ZC3H14: variants seen among roughly 807,000 people sequenced by gnomAD.
ZC3H14 encodes the protein zinc finger CCCH-type containing 14.
A neutral mutation model predicts 92.4 loss-of-function variants in ZC3H14; 31 were observed. That is an observed-to-expected ratio of 0.34 (90% confidence interval 0.25 to 0.45). The LOEUF is 0.45. Among genes scored for constraint, ZC3H14 ranks in the 20% least tolerant of loss-of-function variants. The pLI, the probability that ZC3H14 is intolerant of heterozygous loss-of-function variation, is 1.00. For synonymous variants in ZC3H14, 321 were observed against 300.9 expected, an observed-to-expected ratio of 1.07 and a Z score of -0.69; for missense variants, 781 against 897.3, an observed-to-expected ratio of 0.87 and a Z score of 1.66.
At chr14:88,585,905 A>G (rs1194349754) in intron 9 of ZC3H14, among the ~76,000 whole-genome samples, 2 of 152,136 alleles carry the variant, frequency 1.3e-5, no homozygotes, top group Non-Finnish European at 2.9e-5. Flanking sequence ...GCGGTGGCTC[A>G]TGCCTGTAAT....
chr14:88,610,781 T>A (rs2086536740), intron 15 of ZC3H14, 53 bp from the exon 16 acceptor site: 5 of 1,533,344 alleles, frequency 3.3e-6, no homozygotes, highest in Non-Finnish European at 4.5e-6. Flanking sequence ...AAATAATGTG[T>A]TTACTTATAT....
chr14:88,573,139 G>C, intron 6 of ZC3H14, 132 bp downstream of exon 6: 1 of 1,016,770 alleles, frequency 9.8e-7, no homozygotes, highest in Non-Finnish European at 1.5e-6. Context: ...CCAGGACTTT[G>C]GGAGGCCGAG....
Position 88,622,480 on chromosome 14 carries a change from G to T in ZC3H14, c.*10729G>T. On this transcript the variant is annotated 3_prime_UTR_variant, in exon 17 of 17. Coordinates refer to ENST00000251038, the MANE Select transcript of ZC3H14 (RefSeq NM_024824.5). ...AAAGCAGCAAAGACAGAGTAATGTT[G>T]GCAAGCAAATCCATCGTTATGCATT... The T allele has an allele frequency of 1.4e-6, 1 of 726,564 alleles. No homozygotes were observed. Among genetic ancestry groups the T allele is most frequent in the Non-Finnish European group, 2.0e-6 (1 of 492,120 alleles). The allele number at this position is 726,564 out of a possible 1,614,324, so 45.0% of individuals were successfully genotyped here.
At position 88,575,897 on chromosome 14, in the gene ZC3H14, T is replaced by A; in HGVS notation, c.1080T>A (p.Ser360=). 1 of 1,613,936 alleles carries A rather than the reference T, an allele frequency of 6.2e-7. No individual in the cohort carries two copies. The highest frequency in any genetic ancestry group is 8.5e-7 in the Non-Finnish European group (1 of 1,179,922). ...ANKNLILKAI[S]EAQESVTKTT... ...AGAATCTGATTTTGAAGGCTATATC[T>A]GAAGCTCAAGAATCCGTAACAAAAA... Residue 360 remains serine, a synonymous_variant, in exon 8 of 17, where the codon TCT becomes TCA. Coordinates refer to ENST00000251038, the MANE Select transcript of ZC3H14 (RefSeq NM_024824.5).
chr14:88,611,939 A>G lies in ZC3H14; in HGVS notation c.*188A>G. ...TGTAAGTTTATTATGTGGTTTTAAC[A>G]TTGGGTGTTTTTGTTTTGTTTTTAC... On this transcript the variant is annotated 3_prime_UTR_variant, in exon 17 of 17. Transcript: ENST00000251038. 1.3e-6 allele frequency: 1 copy of G among 758,020 alleles called. No homozygotes were observed. Among genetic ancestry groups the G allele is most frequent in the Non-Finnish European group, 2.1e-6 (1 of 472,976 alleles). 47.0% of individuals were successfully genotyped at this position (758,020 alleles called of 1,614,324 possible). A position where few individuals can be genotyped will look rare whatever the true frequency, so the allele number is the denominator to read the frequency against.
chr14:88,563,614 G>T lies in ZC3H14; in HGVS notation c.37-37G>T, dbSNP rs575769269. The T allele has an allele frequency of 3.7e-6, 6 of 1,611,834 alleles. No individual in the cohort carries two copies. In the East Asian group the frequency reaches 6.7e-5, roughly 18 times the overall value. ...AGTCCGGTCTTGTTTTCCTAGAGCC[G>T]CCTTTCTCACATGCACGTTTGCTCT... On this transcript the variant is annotated intron_variant, in intron 1 of 16. Transcript: ENST00000251038.
At chr14:88,570,549 G>A (rs548731073) in intron 3 of ZC3H14, among the ~76,000 whole-genome samples, 20 of 152,194 alleles carry the variant, frequency 1.3e-4, no homozygotes, top group Non-Finnish European at 1.9e-4. Flanking sequence ...CTGCTTAAAT[G>A]GTGGTAATAA....
chr14:88,601,452 A>G (rs2084635373), intron 10 of ZC3H14, among the ~76,000 whole-genome samples: 1 of 152,208 alleles, frequency 6.6e-6, no homozygotes, highest in African/African-American at 2.4e-5. Flanking sequence ...TCGGTTTATA[A>G]CCAACTGGAA....
chr14:88,577,199 T>G (rs1255571931), intron 8 of ZC3H14, among the ~76,000 whole-genome samples: 2 of 152,192 alleles, frequency 1.3e-5, no homozygotes, highest in Non-Finnish European at 2.9e-5. Context: ...AGAATAAAGA[T>G]TATCAGGCAA....
In ZC3H14 at chr14:88,616,097, A is replaced by G; in HGVS notation, c.*4346A>G. 6.3e-7 allele frequency: 1 copy of G among 1,585,576 alleles called. No individual in the cohort carries two copies. The stretch of plus-strand genomic sequence containing the variant: ...AGGAGTTGTTGTATTAAGTCTCTTA[A>G]CTAGTAACATAGTCTGCTCTTCATG... On this transcript the variant is annotated 3_prime_UTR_variant, in exon 17 of 17. Transcript: ENST00000251038.
intron 13 of ZC3H14, 64 bp from the exon 14 acceptor site, chr14:88,609,203 T>C (rs2086122257): frequency 6.2e-7 from 1 of 1,606,026 alleles, no homozygotes; most frequent in Non-Finnish European, 8.5e-7. Context: ...AGAGCCCTTA[T>C]ACACAGAACT....
rs564538784 is a variant in ZC3H14 at position 88,603,336 on chromosome 14, A to G, written c.1747+276A>G. On this transcript the variant is annotated intron_variant, in intron 12 of 16. Transcript: ENST00000251038. The stretch of plus-strand genomic sequence containing the variant: ...TATGCTGGCTAAAGGATGAACCACC[A>G]TTCTTGTTGCCTTCTTTACCTTTGT... Among the ~76,000 whole-genome samples the G allele has an allele frequency of 1.6e-3, 249 of 152,282 alleles. 1 individual carries two copies. Among genetic ancestry groups the G allele is most frequent in the African/African-American group, 5.8e-3 (241 of 41,558 alleles).
At chr14:88,596,089 A>G (rs1372590114) in intron 9 of ZC3H14, among the ~76,000 whole-genome samples, 4 of 152,226 alleles carry the variant, frequency 2.6e-5, no homozygotes, top group African/African-American at 9.6e-5. Context: ...AGTGAACCTA[A>G]TAGGAATTAA....
chr14:88,597,580 C>G (rs192035168), intron 10 of ZC3H14, among the ~76,000 whole-genome samples: 10 of 152,280 alleles, frequency 6.6e-5, no homozygotes, highest in Non-Finnish European at 1.0e-4. Context: ...TGCTTTTCCT[C>G]CCTAAGGGTC....
chr14:88,591,361 C>T lies in ZC3H14; in HGVS notation c.1280-5373C>T, dbSNP rs147002405. On this transcript the variant is annotated intron_variant, in intron 9 of 16. Coordinates refer to ENST00000251038, the MANE Select transcript of ZC3H14 (RefSeq NM_024824.5). Reference sequence around the variant, plus strand: ...GCTGAGGCAGGAGAATTGCTTGAACCTGGGAGGCGGAGGTTGCAGTGAGCC... The same window carrying T: ...GCTGAGGCAGGAGAATTGCTTGAACTTGGGAGGCGGAGGTTGCAGTGAGCC... The T allele has an allele frequency of 9.6e-3, 1,469 of 152,384 alleles. 16 individuals are homozygous for T. The highest frequency in any genetic ancestry group is 0.031 in the African/African-American group (1,305 of 41,542). The allele number at this position is 152,384 out of a possible 1,614,324, so 9.4% of individuals were successfully genotyped here.
Position 88,617,976 on chromosome 14 carries a change from T to C in ZC3H14, c.*6225T>C, listed in dbSNP as rs2088008564. ...ATTAAATTTAGCATTAAGAAAAATATCAGGGTATCTTTAAAGTTAAAACTT... is the reference window on the plus strand; with the variant it reads ...ATTAAATTTAGCATTAAGAAAAATACCAGGGTATCTTTAAAGTTAAAACTT... On this transcript the variant is annotated 3_prime_UTR_variant, in exon 17 of 17. Coordinates refer to ENST00000251038, the MANE Select transcript of ZC3H14 (RefSeq NM_024824.5). 3.5e-6 allele frequency: 1 copy of C among 288,438 alleles called. No individual in the cohort carries two copies. The highest frequency in any genetic ancestry group is 8.4e-5 in the South Asian group (1 of 11,914). 17.9% of individuals were successfully genotyped at this position (288,438 alleles called of 1,614,324 possible).
At chr14:88,595,198 G>A in intron 9 of ZC3H14, 2 of 1,568,848 alleles carry the variant, frequency 1.3e-6, no homozygotes, top group Non-Finnish European at 1.7e-6. Context: ...CTGATGTGGA[G>A]GGAGCAAGTT....
rs2086873304 is a variant in ZC3H14, at chr14:88,612,079, C to CT, written c.*329dup. 1.1e-5 allele frequency: 4 copies of CT among 356,780 alleles called. No individual in the cohort carries two copies. In the Admixed American group the frequency reaches 1.7e-4, roughly 15 times the overall value. The allele number at this position is 356,780 out of a possible 1,614,324, so 22.1% of individuals were successfully genotyped here. On this transcript the variant is annotated 3_prime_UTR_variant, in exon 17 of 17. Coordinates refer to ENST00000251038, the MANE Select transcript of ZC3H14 (RefSeq NM_024824.5). ...ATTGACATCATGGTTAGTCATGGTA[C>CT]TGCAGCTTAGGGGGCTACACGGTTG...
Position 88,620,978 on chromosome 14 carries a change from A to G in ZC3H14, c.*9227A>G, listed in dbSNP as rs2088813410. The G allele has an allele frequency of 2.7e-6, 4 of 1,472,390 alleles. No individual in the cohort carries two copies. The South Asian group carries it at 5.7e-5, about 21-fold the overall frequency. The allele number at this position is 1,472,390 out of a possible 1,614,324, so 91.2% of individuals were successfully genotyped here. A position where few individuals can be genotyped will look rare whatever the true frequency, so the allele number is the denominator to read the frequency against. ...AGTCATAGGAAACATTAAGTGAAGT[A>G]CTTCTAAATTATACCAGTTTCCCCT... On this transcript the variant is annotated 3_prime_UTR_variant, in exon 17 of 17. Transcript: ENST00000251038. This position sits in a 1 kb window ranked among gnomAD's most constrained non-coding sequence, Gnocchi z 4.3.
Sources: gnomAD v4.1 joint callset for allele counts (sites outside exome capture counted in the v4.1 genomes callset) on GRCh38, gnomAD v4.1.1 for gene constraint, Gnocchi (gnomAD v3.1) non-coding constraint, MANE v1.5 for transcripts, NCBI Gene and HGNC (gene_info 2026-07-23, HGNC 2026-07-21) for gene names.